The following THSD7B variants were observed in gnomAD, a reference collection of about 807,000 sequenced individuals.
THSD7B encodes thrombospondin type 1 domain containing 7B.
A neutral mutation model predicts 213.6 loss-of-function variants in THSD7B; 138 were observed. That is an observed-to-expected ratio of 0.65 (90% confidence interval 0.56 to 0.74). The LOEUF (loss-of-function observed/expected upper bound fraction) is 0.74. Among genes scored for constraint, THSD7B ranks in the 30% least tolerant of loss-of-function variants. THSD7B has a pLI of 0.00. For synonymous variants in THSD7B, 742 were observed against 687.0 expected, an observed-to-expected ratio of 1.08 and a Z score of -1.25; for missense variants, 1,931 against 1,991.5, an observed-to-expected ratio of 0.97 and a Z score of 0.58.
At chr2:137,456,428 A>C (rs939371171) in intron 15 of THSD7B, among the ~76,000 whole-genome samples, 2 of 152,246 alleles carry the variant, frequency 1.3e-5, no homozygotes, top group Non-Finnish European at 2.9e-5. Context: ...ATATTTGTTT[A>C]CACAGAAATA....
At chr2:137,634,374 A>G (rs1414616740) in intron 20 of THSD7B, among the ~76,000 whole-genome samples, 1 of 152,190 alleles carries the variant, frequency 6.6e-6, no homozygotes, top group Non-Finnish European at 1.5e-5. Context: ...TTCATATACT[A>G]CTACTATTGC....
rs1203741569 is a variant in THSD7B at position 137,041,821 on chromosome 2, C to T, written c.140-14599C>T. Among the ~76,000 whole-genome samples, 5 of 152,034 alleles carry T rather than the reference C, an allele frequency of 3.3e-5. 1 individual carries two copies. In the South Asian group the frequency reaches 6.2e-4, roughly 19 times the overall value. On this transcript the variant is annotated intron_variant, in intron 2 of 27. Coordinates refer to ENST00000409968, the MANE Select transcript of THSD7B (RefSeq NM_001316349.2). ...AAGCAATGATTATATTGCTATAATT[C>T]GCTAATGTGTGGCCAATAAAGTACA...
intron 7 of THSD7B, among the ~76,000 whole-genome samples, chr2:137,172,449 G>T (rs1033842747): frequency 6.6e-6 from 1 of 152,160 alleles, no homozygotes; most frequent in East Asian, 1.9e-4. Flanking sequence ...GAACTATGAG[G>T]TACAGAGAGC....
At position 137,176,157 on chromosome 2, in the gene THSD7B, G is replaced by A. The variant is rs576188330; in HGVS notation, c.1723+5219G>A. ...CATCAGATATTTCTTTTTCACATAA[G>A]TATATTCCTTCAGTGAATCAACCTA... On this transcript the variant is annotated intron_variant, in intron 7 of 27. Coordinates refer to ENST00000409968, the MANE Select transcript of THSD7B (RefSeq NM_001316349.2). 7.2e-4 allele frequency among the ~76,000 whole-genome samples: 110 copies of A among 152,190 alleles called. 1 individual carries two copies. Among genetic ancestry groups the A allele is most frequent in the Non-Finnish European group, 1.2e-3 (82 of 68,006 alleles).
At chr2:136,796,128 A>G (rs1207178172) in intron 1 of THSD7B, among the ~76,000 whole-genome samples, 1 of 151,514 alleles carries the variant, frequency 6.6e-6, no homozygotes, top group Non-Finnish European at 1.5e-5. Context: ...TTAGGTATGA[A>G]TTTTGAAATG....
chr2:137,176,299 C>T (rs889733925), intron 7 of THSD7B, among the ~76,000 whole-genome samples: 4 of 152,052 alleles, frequency 2.6e-5, no homozygotes, highest in Non-Finnish European at 4.4e-5. Context: ...AATAAATATG[C>T]GGTTTATTAA....
At chr2:137,166,420 T>C (rs1054114376) in intron 6 of THSD7B, among the ~76,000 whole-genome samples, 8 of 152,220 alleles carry the variant, frequency 5.3e-5, no homozygotes, top group African/African-American at 1.4e-4. Flanking sequence ...TTATATGACA[T>C]CCTTATCCTT....
chr2:137,187,245 G>C (rs181378870), intron 7 of THSD7B, among the ~76,000 whole-genome samples: 5 of 152,146 alleles, frequency 3.3e-5, no homozygotes, highest in Non-Finnish European at 7.3e-5. Flanking sequence ...GAGAATGACA[G>C]CATGGCTTCT....
At chr2:137,354,831 G>GTT (rs530995951) in intron 12 of THSD7B, among the ~76,000 whole-genome samples, 1 of 144,640 alleles carries the variant, frequency 6.9e-6, no homozygotes, top group East Asian at 2.0e-4. Context: ...CTGAGCAGCT[G>GTT]TTTTTTTTTT....
At chr2:137,137,743 G>GT (rs1297603308) in intron 5 of THSD7B, among the ~76,000 whole-genome samples, 4 of 151,892 alleles carry the variant, frequency 2.6e-5, no homozygotes, top group East Asian at 3.8e-4. Context: ...CTTTTTGTGG[G>GT]TTTTTTGTGG....
At position 137,564,965 on chromosome 2, in the gene THSD7B, T is replaced by A. The variant is rs1021590399; in HGVS notation, c.3272+1611T>A. Among the ~76,000 whole-genome samples, 5 of 152,174 alleles carry A rather than the reference T, an allele frequency of 3.3e-5. No homozygotes were observed. In the East Asian group the frequency reaches 9.7e-4, roughly 29 times the overall value. The stretch of plus-strand genomic sequence containing the variant: ...ATAAATAGGATCTTTAAAGAAGTAA[T>A]TAAGGTAAAATAAGGTTATTGGTGT... On this transcript the variant is annotated intron_variant, in intron 16 of 27. Transcript: ENST00000409968.
chr2:137,486,064 A>T (rs1196337142), intron 15 of THSD7B, among the ~76,000 whole-genome samples: 1 of 152,234 alleles, frequency 6.6e-6, no homozygotes, highest in African/African-American at 2.4e-5. Context: ...AAGACCATGA[A>T]GGCTAGGAAG....
intron 15 of THSD7B, among the ~76,000 whole-genome samples, chr2:137,526,792 G>T (rs539341373): frequency 6.6e-6 from 1 of 152,124 alleles, no homozygotes; most frequent in Non-Finnish European, 1.5e-5. Flanking sequence ...GTGGTGCACA[G>T]TGATAAATGT....
chr2:137,165,630 A>T (rs1392886488), intron 6 of THSD7B, among the ~76,000 whole-genome samples: 1 of 152,120 alleles, frequency 6.6e-6, no homozygotes, highest in Non-Finnish European at 1.5e-5. Context: ...TGCATTAAAC[A>T]TTGCAAAACT....
rs35295064 is a variant in THSD7B, at chr2:137,067,040, C to G, written c.950+9810C>G. On this transcript the variant is annotated intron_variant, in intron 3 of 27. Coordinates refer to ENST00000409968, the MANE Select transcript of THSD7B (RefSeq NM_001316349.2). ...TGATTTCTGTCATTTTCTTTTGATT[C>G]TTTGTTAGGGTTTCCATCTCACTGC... is the stretch of plus-strand genomic sequence containing the variant. Among the ~76,000 whole-genome samples, 151 of 152,054 alleles carry G rather than the reference C, an allele frequency of 9.9e-4. 1 individual carries two copies. In the Middle Eastern group the frequency reaches 0.014, roughly 14 times the overall value.
intron 2 of THSD7B, among the ~76,000 whole-genome samples, chr2:136,971,999 A>T (rs1685412839): frequency 6.6e-6 from 1 of 152,270 alleles, no homozygotes; most frequent in South Asian, 2.1e-4. Context: ...AGACACAGAA[A>T]GCAAATGTAC....
intron 4 of THSD7B, among the ~76,000 whole-genome samples, chr2:137,106,887 A>C (rs948784714): frequency 6.6e-6 from 1 of 152,202 alleles, no homozygotes; most frequent in African/African-American, 2.4e-5. Flanking sequence ...AAAGTCAGGA[A>C]ACAACAGATG....
chr2:136,821,747 T>C (rs1019405706), intron 1 of THSD7B, among the ~76,000 whole-genome samples: 1 of 152,168 alleles, frequency 6.6e-6, no homozygotes, highest in East Asian at 1.9e-4. Context: ...AGGCAATGTG[T>C]GTGCTCTGCT....
intron 15 of THSD7B, among the ~76,000 whole-genome samples, chr2:137,515,518 C>A (rs1364545897): frequency 6.6e-6 from 1 of 152,080 alleles, no homozygotes; most frequent in Non-Finnish European, 1.5e-5. Context: ...GAGGTACATG[C>A]CACTTGAAAA....
Sources: gnomAD v4.1 joint callset for allele counts (sites outside exome capture counted in the v4.1 genomes callset) on GRCh38, gnomAD v4.1.1 for gene constraint, MANE v1.5 for transcripts, NCBI Gene and HGNC (gene_info 2026-07-23, HGNC 2026-07-21) for gene names.